The following SMOC2 variants were observed in gnomAD, a reference collection of about 807,000 sequenced individuals.
SMOC2 encodes the protein SPARC-related modular calcium-binding protein 2.
Under a neutral mutation model 61.4 loss-of-function variants are expected in SMOC2, and 39 were observed. That is an observed-to-expected ratio of 0.64 (90% CI 0.49 to 0.83). The LOEUF is 0.83. Ranked by LOEUF, SMOC2 falls within the 40% of genes least tolerant of loss-of-function variation. SMOC2 has a pLI of 0.00. For missense variants in SMOC2, 556 were observed against 592.9 expected (o/e 0.94, Z 0.65); for synonymous variants, 247 against 239.9 (o/e 1.03, Z -0.27).
In SMOC2 at chr6:168,519,064, TGTGA is replaced by T. The variant is rs1562567091; in HGVS notation, c.257-7278_257-7275del. On this transcript the variant is annotated intron_variant, in intron 2 of 12. Transcript: ENST00000356284. Reference sequence around the variant, plus strand: ...GTGCATGTGTGAGCATGCATATGTGTGTGAGTGTATGTATGCGTGCATGTGTGAA... The same window carrying T: ...GTGCATGTGTGAGCATGCATATGTGTGTGTATGTATGCGTGCATGTGTGAA... 3.3e-5 allele frequency among the ~76,000 whole-genome samples: 5 copies of T among 151,592 alleles called. No homozygotes were observed. The South Asian group carries it at 6.3e-4, about 19-fold the overall frequency.
chr6:168,581,995 G>A (rs1195598878), intron 7 of SMOC2, among the ~76,000 whole-genome samples: 1 of 152,162 alleles, frequency 6.6e-6, no homozygotes, highest in Non-Finnish European at 1.5e-5. Context: ...GCATTAGCTT[G>A]TCTGCTTGCT....
intron 1 of SMOC2, among the ~76,000 whole-genome samples, chr6:168,444,899 T>C (rs1781297732): frequency 6.6e-6 from 1 of 152,192 alleles, no homozygotes; most frequent in South Asian, 2.1e-4. Context: ...CTGGGACCCC[T>C]TTCCCAGAAG....
intron 1 of SMOC2, among the ~76,000 whole-genome samples, chr6:168,480,347 A>G (rs1349879171): frequency 6.6e-6 from 1 of 152,180 alleles, no homozygotes; most frequent in African/African-American, 2.4e-5. Flanking sequence ...ACGATGCTCA[A>G]AGAACTAAAG....
At chr6:168,574,023 CAG>C (rs1275460907) in intron 7 of SMOC2, among the ~76,000 whole-genome samples, 2 of 152,154 alleles carry the variant, frequency 1.3e-5, no homozygotes, top group Non-Finnish European at 2.9e-5. Flanking sequence ...GCGCCCACCA[CAG>C]GGGCTGACTG....
At chr6:168,556,353 C>A (rs1292954938) in intron 7 of SMOC2, among the ~76,000 whole-genome samples, 2 of 152,140 alleles carry the variant, frequency 1.3e-5, no homozygotes, top group African/African-American at 4.8e-5. Context: ...GGATGATTAG[C>A]TTTTAAGGGG....
At chr6:168,642,951 A>G (rs1249673433) in intron 9 of SMOC2, among the ~76,000 whole-genome samples, 1 of 152,168 alleles carries the variant, frequency 6.6e-6, no homozygotes, top group Non-Finnish European at 1.5e-5. Flanking sequence ...GTGGAAGTTG[A>G]ATTAAATCCC....
At chr6:168,463,334 A>T (rs1443884518) in intron 1 of SMOC2, among the ~76,000 whole-genome samples, 2 of 152,216 alleles carry the variant, frequency 1.3e-5, no homozygotes, top group African/African-American at 4.8e-5. Context: ...CTAGAAAGCT[A>T]TCCTGAAGCA....
chr6:168,473,406 C>T (rs1184559961), intron 1 of SMOC2, among the ~76,000 whole-genome samples: 2 of 152,044 alleles, frequency 1.3e-5, no homozygotes, highest in Admixed American at 1.3e-4. Flanking sequence ...CCCTTACCTG[C>T]CACCTGTGTG....
chr6:168,576,709 G>C (rs972689200), intron 7 of SMOC2, among the ~76,000 whole-genome samples: 5 of 152,034 alleles, frequency 3.3e-5, no homozygotes, highest in African/African-American at 9.7e-5. Context: ...AAGGAATGAG[G>C]GAAGGTTTCC....
intron 1 of SMOC2, among the ~76,000 whole-genome samples, chr6:168,500,751 T>A (rs964821873): frequency 1.3e-5 from 2 of 151,980 alleles, no homozygotes. Flanking sequence ...GGGCTTAGAG[T>A]CCATGCCCAT....
chr6:168,617,171 TG>T (rs1192733341), intron 9 of SMOC2, among the ~76,000 whole-genome samples: 1 of 152,156 alleles, frequency 6.6e-6, no homozygotes. Context: ...ATTGGAGGTT[TG>T]GGGGAATGTG....
chr6:168,532,271 G>C (rs918905957), intron 4 of SMOC2, among the ~76,000 whole-genome samples: 2 of 152,166 alleles, frequency 1.3e-5, no homozygotes, highest in Admixed American at 6.5e-5. Flanking sequence ...GTTCAAGGAA[G>C]GCACAGTAAA....
chr6:168,461,770 T>C (rs563678964), intron 1 of SMOC2, among the ~76,000 whole-genome samples: 103 of 152,232 alleles, frequency 6.8e-4, no homozygotes, highest in Admixed American at 1.2e-3. Flanking sequence ...GCAGCCGTGC[T>C]AGAAACACCA....
chr6:168,631,915 C>T (rs1786580186), intron 9 of SMOC2, among the ~76,000 whole-genome samples: 1 of 152,094 alleles, frequency 6.6e-6, no homozygotes, highest in African/African-American at 2.4e-5. Flanking sequence ...CCTTCCAGAC[C>T]AGGCTCATGA....
chr6:168,503,340 A>T (rs1000952174), intron 1 of SMOC2, among the ~76,000 whole-genome samples: 3 of 151,688 alleles, frequency 2.0e-5, no homozygotes, highest in African/African-American at 7.3e-5. Flanking sequence ...GGCCTCCCAA[A>T]GTGCTGGGAT....
intron 5 of SMOC2, among the ~76,000 whole-genome samples, chr6:168,545,980 TG>T (rs1783985918): frequency 6.6e-6 from 1 of 152,220 alleles, no homozygotes. Context: ...GTGTTAGACT[TG>T]GATATTTCAA....
intron 12 of SMOC2, chr6:168,664,872 C>T (rs750837100): frequency 1.3e-5 from 6 of 465,634 alleles, no homozygotes; most frequent in Admixed American, 7.1e-5. Context: ...TTTGCTGCCG[C>T]GAGTCAATTT....
At chr6:168,510,192 T>C in intron 2 of SMOC2, 106 bp downstream of exon 2, 3 of 1,137,240 alleles carry the variant, frequency 2.6e-6, no homozygotes, top group Non-Finnish European at 3.7e-6. Context: ...CAAACTCGGG[T>C]TTATGTTGGC....
intron 7 of SMOC2, among the ~76,000 whole-genome samples, chr6:168,549,655 TAACAGTGGACCCATG>T (rs1243849649): frequency 6.6e-6 from 1 of 152,162 alleles, no homozygotes; most frequent in Non-Finnish European, 1.5e-5. Flanking sequence ...TAAATCCTTG[TAACAGTGGACCCATG>T]ACATCAAAAC....
Sources: gnomAD v4.1 joint callset for allele counts (sites outside exome capture counted in the v4.1 genomes callset) on GRCh38, gnomAD v4.1.1 for gene constraint, MANE v1.5 for transcripts, NCBI Gene and HGNC (gene_info 2026-07-23, HGNC 2026-07-21) for gene names.